ZNF532: variants seen among roughly 807,000 people sequenced by gnomAD.
The protein encoded by ZNF532 is zinc finger protein 532.
A neutral mutation model predicts 89.3 loss-of-function variants in ZNF532; 22 were observed. That is an observed-to-expected ratio of 0.25 (90% CI 0.18 to 0.35). The LOEUF is 0.35. Among genes scored for constraint, ZNF532 ranks in the 10% least tolerant of loss-of-function variants. ZNF532 has a pLI of 1.00. For synonymous variants in ZNF532, 606 were observed against 649.6 expected (o/e 0.93, Z 1.02); for missense variants, 1,132 against 1,643.4 (o/e 0.69, Z 5.38).
chr18:58,926,788 T>A (rs2061563071), intron 3 of ZNF532, among the ~76,000 whole-genome samples: 2 of 152,148 alleles, frequency 1.3e-5, no homozygotes, highest in South Asian at 4.1e-4. Flanking sequence ...TTTGACTCTG[T>A]TGAACTCAGT....
At chr18:58,917,969 A>G (rs2060726290) in intron 2 of ZNF532, among the ~76,000 whole-genome samples, 1 of 152,228 alleles carries the variant, frequency 6.6e-6, no homozygotes, top group Non-Finnish European at 1.5e-5. Context: ...TTGCTACACC[A>G]GAACCTGTTT....
chr18:58,953,333 G>A (rs912124691), intron 6 of ZNF532, 185 bp from the exon 7 acceptor site: 78 of 559,500 alleles, frequency 1.4e-4, no homozygotes, highest in Non-Finnish European at 2.0e-4. Flanking sequence ...AATGCATAAC[G>A]TATAGCAGAC....
chr18:58,977,131 A>G (rs1004309339), intron 7 of ZNF532, among the ~76,000 whole-genome samples: 2 of 152,174 alleles, frequency 1.3e-5, no homozygotes, highest in Non-Finnish European at 2.9e-5. Context: ...TTGGAGAAGA[A>G]ATTTTCTCCT....
chr18:58,903,588 G>T (rs143802472), intron 2 of ZNF532, among the ~76,000 whole-genome samples: 1 of 152,252 alleles, frequency 6.6e-6, no homozygotes, highest in South Asian at 2.1e-4. Context: ...GCAAAATAGC[G>T]CCAGGGAAGT....
chr18:58,910,671 C>T (rs1042786587), intron 2 of ZNF532, among the ~76,000 whole-genome samples: 1 of 151,902 alleles, frequency 6.6e-6, no homozygotes, highest in East Asian at 1.9e-4. Flanking sequence ...GAGGGGGTTT[C>T]ATCATGTTGG....
chr18:58,934,689 C>T (rs1360047161), intron 4 of ZNF532, 75 bp downstream of exon 4: 2 of 1,452,498 alleles, frequency 1.4e-6, no homozygotes, highest in Admixed American at 3.7e-5. Flanking sequence ...GTGGTTTGCA[C>T]ACACAGTTTT....
chr18:58,933,477 A>G (rs1186548061), intron 3 of ZNF532, among the ~76,000 whole-genome samples: 3 of 152,300 alleles, frequency 2.0e-5, no homozygotes, highest in East Asian at 3.9e-4. Flanking sequence ...ATATTTTGAG[A>G]CTTTCTTTGG....
chr18:58,978,506 G>A (rs912575447), intron 7 of ZNF532, among the ~76,000 whole-genome samples: 10 of 152,058 alleles, frequency 6.6e-5, no homozygotes, highest in Non-Finnish European at 1.0e-4. Context: ...GGATGTTTGT[G>A]TTGAATCAAA....
At position 58,923,992 on chromosome 18, in the gene ZNF532, G is replaced by A. The variant is rs1019869266; in HGVS notation, c.2346+3359G>A. Among the ~76,000 whole-genome samples the A allele has an allele frequency of 6.6e-5, 10 of 152,264 alleles. No individual in the cohort carries two copies. In the East Asian group the frequency reaches 1.2e-3, roughly 18 times the overall value. The stretch of plus-strand genomic sequence containing the variant: ...CTGCCTCAGCCTCCAGAGCAGCTGG[G>A]ATTACAGGCACACATCACCGCATCC... On this transcript the variant is annotated intron_variant, in intron 3 of 9. Transcript: ENST00000591808.
chr18:58,881,629 G>C (rs34194023), intron 2 of ZNF532, among the ~76,000 whole-genome samples: 64,258 of 151,622 alleles, frequency 0.42, 14,130 homozygotes, highest in East Asian at 0.63. Context: ...TTGTCTTATA[G>C]AAAGCCCATG....
At position 58,939,246 on chromosome 18, in the gene ZNF532, C is replaced by CAAAAAAAAAAAAAAAAAAA. The variant is rs71336307; in HGVS notation, c.2529-188_2529-170dup. On this transcript the variant is annotated intron_variant, in intron 4 of 9. Coordinates refer to ENST00000591808, the MANE Select transcript of ZNF532 (RefSeq NM_001375912.1). ...TGGGCGACAGAGCGAGACGTTGTCT[C>CAAAAAAAAAAAAAAAAAAA]AAAAAAAAAAAAAAAAAAAAAAAAA... Among the ~76,000 whole-genome samples the CAAAAAAAAAAAAAAAAAAA allele has an allele frequency of 6.7e-4, 23 of 34,510 alleles. 1 individual carries two copies. Among genetic ancestry groups the CAAAAAAAAAAAAAAAAAAA allele is most frequent in the East Asian group, 8.4e-4 (2 of 2,388 alleles). The allele number at this position is 34,510 out of a possible 152,430, so 22.6% of individuals were successfully genotyped here. A position where few individuals can be genotyped will look rare whatever the true frequency, so the allele number is the denominator to read the frequency against.
intron 6 of ZNF532, among the ~76,000 whole-genome samples, chr18:58,949,427 G>A: frequency 6.6e-6 from 1 of 152,094 alleles, no homozygotes; most frequent in East Asian, 1.9e-4. Context: ...GGCTGGGCAC[G>A]GTGGCTTACA....
intron 2 of ZNF532, among the ~76,000 whole-genome samples, chr18:58,895,197 C>T (rs1384874558): frequency 2.6e-5 from 4 of 152,106 alleles, no homozygotes; most frequent in Admixed American, 6.6e-5. Context: ...TATTGGTGGC[C>T]CTCCACTGAG....
chr18:58,887,394 A>G (rs1240616976), intron 2 of ZNF532, among the ~76,000 whole-genome samples: 1 of 152,222 alleles, frequency 6.6e-6, no homozygotes, highest in Non-Finnish European at 1.5e-5. Context: ...TAGATATTCC[A>G]CTGTTCAAGA....
At chr18:58,977,561 T>C (rs2067201369) in intron 7 of ZNF532, 1 of 152,212 alleles carries the variant, frequency 6.6e-6, no homozygotes, top group Non-Finnish European at 1.5e-5. Flanking sequence ...AAAAATGTAA[T>C]CAGTCTGGGC....
chr18:58,948,837 A>G (rs974658994), intron 6 of ZNF532, among the ~76,000 whole-genome samples: 1 of 152,184 alleles, frequency 6.6e-6, no homozygotes, highest in African/African-American at 2.4e-5. Context: ...GATTATAGGC[A>G]TGAGCCACCG....
At chr18:58,958,948 G>A (rs1240978921) in intron 7 of ZNF532, among the ~76,000 whole-genome samples, 1 of 152,088 alleles carries the variant, frequency 6.6e-6, no homozygotes, top group Admixed American at 6.5e-5. Flanking sequence ...GGCCTTTTAG[G>A]AACCAAACTA....
chr18:58,908,513 C>T (rs1052479624), intron 2 of ZNF532, among the ~76,000 whole-genome samples: 1 of 151,932 alleles, frequency 6.6e-6, no homozygotes, highest in African/African-American at 2.4e-5. Context: ...TTATAACTAG[C>T]AAAAACATAA....
At chr18:58,888,734 ATATATATTT>A (rs1296026508) in intron 2 of ZNF532, among the ~76,000 whole-genome samples, 1 of 55,210 alleles carries the variant, frequency 1.8e-5, no homozygotes, top group African/African-American at 1.1e-4. Flanking sequence ...TAAATTATAT[ATATATATTT>A]TATATATATA....
Sources: gnomAD v4.1 joint callset for allele counts (sites outside exome capture counted in the v4.1 genomes callset) on GRCh38, gnomAD v4.1.1 for gene constraint, MANE v1.5 for transcripts, NCBI Gene and HGNC (gene_info 2026-07-23, HGNC 2026-07-21) for gene names.